VGF: variants seen among roughly 807,000 people sequenced by gnomAD.
The protein encoded by VGF is neurosecretory protein VGF.
VGF carries 13 observed loss-of-function variants against 41.1 expected under a neutral mutation model. That is an observed-to-expected ratio of 0.32 (90% CI 0.21 to 0.50). The LOEUF is 0.50. VGF is among the 20% of genes least tolerant of loss of function. The pLI, the probability that VGF is intolerant of heterozygous loss-of-function variation, is 0.98. For synonymous variants in VGF, 473 were observed against 418.3 expected (o/e 1.13, Z -1.60); for missense variants, 920 against 882.1 (o/e 1.04, Z -0.54).
Position 101,162,657 on chromosome 7 carries a change from C to A in VGF, c.*339G>T. ...GGAGGCCCGAAGGGCTGGAGACAGA[C>A]ACACTTCACACAATTAACTGGAACT... On this transcript the variant is annotated 3_prime_UTR_variant, in exon 2 of 2. Coordinates refer to ENST00000249330, the MANE Select transcript of VGF (RefSeq NM_003378.4). The surrounding 1 kb of genome is among the most constrained non-coding windows in gnomAD (Gnocchi z 4.2). The A allele has an allele frequency of 4.9e-6, 2 of 410,004 alleles. No homozygotes were observed. Among genetic ancestry groups the A allele is most frequent in the Non-Finnish European group, 9.5e-6 (2 of 210,462 alleles). 25.4% of individuals were successfully genotyped at this position (410,004 alleles called of 1,614,324 possible). A position where few individuals can be genotyped will look rare whatever the true frequency, so the allele number is the denominator to read the frequency against.
chr7:101,164,263 C>A lies in VGF; in HGVS notation c.581G>T (p.Arg194Leu), dbSNP rs749264980. 1.2e-6 allele frequency: 2 copies of A among 1,600,752 alleles called. No homozygotes were observed. The highest frequency in any genetic ancestry group is 2.2e-5 in the South Asian group (2 of 90,974). The change falls in exon 2 of 2, where the codon CGA (arginine) becomes CTA (leucine). Residue 194 changes from arginine (R) to leucine (L), a missense_variant. Coordinates refer to ENST00000249330, the MANE Select transcript of VGF (RefSeq NM_003378.4). ...ETETRTHTLT[R>L]VNLESPGPER... ...TGGCCCCGGGCTCTCCAGATTCACT[C>A]GGGTCAGCGTGTGCGTGCGGGTTTC... is the stretch of plus-strand genomic sequence containing the variant.
At chr7:101,169,638 C>T (rs965986852), upstream of VGF, among the ~76,000 whole-genome samples, 40 of 152,272 alleles carry the variant, frequency 2.6e-4, no homozygotes, top group African/African-American at 9.1e-4. Context: ...ACTTCAGAGA[C>T]CCAAGACGCG....
At position 101,163,946 on chromosome 7, in the gene VGF, C is replaced by T. The variant is rs1382513669; in HGVS notation, c.898G>A (p.Gly300Arg). 1 of 1,460,002 alleles carries T rather than the reference C, an allele frequency of 6.8e-7. No homozygotes were observed. Among genetic ancestry groups the T allele is most frequent in the Non-Finnish European group, 8.9e-7 (1 of 1,119,222 alleles). The allele number at this position is 1,460,002 out of a possible 1,614,324, so 90.4% of individuals were successfully genotyped here. A position where few individuals can be genotyped will look rare whatever the true frequency, so the allele number is the denominator to read the frequency against. ...CGCCCGGCCTCCACCTGCGCCAGCC[C>T]TTGCTGGAGAAGGCGCTCGCCCGCC... is the stretch of plus-strand genomic sequence containing the variant. ...SEAGERLLQQ[G>R]LAQVEAGRRQ... is the part of the protein sequence containing the mutation. Residue 300 changes from glycine to arginine, a missense_variant, in exon 2 of 2, where the codon GGG becomes AGG. By Grantham distance (125) the Gly-to-Arg change is moderately radical. This residue lies in a region of VGF where 654 missense variants were observed against 638.4 expected (regional missense o/e 1.02). Transcript: ENST00000249330. The surrounding 1 kb of genome is among the most constrained non-coding windows in gnomAD (Gnocchi z 5.0).
chr7:101,165,699 G>A (rs2116711145), upstream of VGF: 3 of 975,670 alleles, frequency 3.1e-6, no homozygotes, highest in Admixed American at 1.2e-4. Flanking sequence ...AAGGACGCCC[G>A]ACGATTGGAG....
At chr7:101,168,031 T>A (rs1465339373), upstream of VGF, among the ~76,000 whole-genome samples, 14 of 149,758 alleles carry the variant, frequency 9.3e-5, no homozygotes, top group South Asian at 2.1e-4. Flanking sequence ...TTTTTTTTTT[T>A]ATCTCTTCTG....
At position 101,162,701 on chromosome 7, in the gene VGF, CG is replaced by C; in HGVS notation, c.*294del. On this transcript the variant is annotated 3_prime_UTR_variant, in exon 2 of 2. Coordinates refer to ENST00000249330, the MANE Select transcript of VGF (RefSeq NM_003378.4). This position sits in a 1 kb window ranked among gnomAD's most constrained non-coding sequence, Gnocchi z 4.2. ...TGGAACTGCTTTTTCCGGTTTCCGA[CG>C]GGGACGTCCCCAGAGGGACTTGATG... is the stretch of plus-strand genomic sequence containing the variant. The C allele has an allele frequency of 1.9e-6, 1 of 530,920 alleles. No homozygotes were observed. The allele number at this position is 530,920 out of a possible 1,614,324, so 32.9% of individuals were successfully genotyped here. A position where few individuals can be genotyped will look rare whatever the true frequency, so the allele number is the denominator to read the frequency against.
upstream of VGF, among the ~76,000 whole-genome samples, chr7:101,168,813 C>T (rs1223216728): frequency 1.3e-5 from 2 of 151,998 alleles, no homozygotes; most frequent in African/African-American, 4.8e-5. Flanking sequence ...TTGTGGACCC[C>T]GAAGCTCACC....
chr7:101,167,110 C>T (rs1488552721), upstream of VGF, among the ~76,000 whole-genome samples: 1 of 152,078 alleles, frequency 6.6e-6, no homozygotes, highest in Non-Finnish European at 1.5e-5. The surrounding 1 kb of genome is among the most constrained non-coding windows in gnomAD (Gnocchi z 4.2). Context: ...GGCACTGACC[C>T]TCCTTCTAAC....
Position 101,162,666 on chromosome 7 carries a change from C to A in VGF, c.*330G>T. ...AAGGGCTGGAGACAGACACACTTCA[C>A]ACAATTAACTGGAACTGCTTTTTCC... On this transcript the variant is annotated 3_prime_UTR_variant, in exon 2 of 2. Coordinates refer to ENST00000249330, the MANE Select transcript of VGF (RefSeq NM_003378.4). The surrounding 1 kb of genome is among the most constrained non-coding windows in gnomAD (Gnocchi z 4.2). 2.3e-6 allele frequency: 1 copy of A among 441,660 alleles called. No individual in the cohort carries two copies. The highest frequency in any genetic ancestry group is 4.4e-6 in the Non-Finnish European group (1 of 227,500). 27.4% of individuals were successfully genotyped at this position (441,660 alleles called of 1,614,324 possible).
rs1303946573 is a variant in VGF at position 101,164,020 on chromosome 7, G to A, written c.824C>T (p.Pro275Leu). ...LSKAYQGVAA[P>L]FPKARRPESA... ...CTCCGGCCGGCGCGCCTTGGGGAAC[G>A]GGGCGGCCACGCCTTGGTACGCCTT... is the stretch of plus-strand genomic sequence containing the variant. The change falls in exon 2 of 2, where the codon CCG becomes CTG. Residue 275 changes from proline to leucine, a missense_variant. Pro to Leu is a moderately conservative substitution (Grantham distance 98). Around this residue, in one of 3 missense-constraint regions of VGF, gnomAD observed 654 missense variants for 638.4 expected, o/e 1.02. Transcript: ENST00000249330. 1.4e-6 allele frequency: 2 copies of A among 1,477,938 alleles called. No individual in the cohort carries two copies. The highest frequency in any genetic ancestry group is 1.4e-5 in the South Asian group (1 of 70,914). The allele number at this position is 1,477,938 out of a possible 1,614,324, so 91.6% of individuals were successfully genotyped here.
At chr7:101,168,689 A>G (rs1234400136), upstream of VGF, among the ~76,000 whole-genome samples, 1 of 151,888 alleles carries the variant, frequency 6.6e-6, no homozygotes, top group Admixed American at 6.5e-5. Context: ...GCTGGAGAAG[A>G]TGGGGTCCAG....
In VGF at chr7:101,162,846, G is replaced by A. The variant is rs926112477; in HGVS notation, c.*150C>T. The A allele has an allele frequency of 6.2e-5, 42 of 673,652 alleles. No homozygotes were observed. In the Admixed American group the frequency reaches 8.0e-4, roughly 13 times the overall value. The allele number at this position is 673,652 out of a possible 1,614,324, so 41.7% of individuals were successfully genotyped here. A position where few individuals can be genotyped will look rare whatever the true frequency, so the allele number is the denominator to read the frequency against. On this transcript the variant is annotated 3_prime_UTR_variant, in exon 2 of 2. Coordinates refer to ENST00000249330, the MANE Select transcript of VGF (RefSeq NM_003378.4). The surrounding 1 kb of genome is among the most constrained non-coding windows in gnomAD (Gnocchi z 4.2). The stretch of plus-strand genomic sequence containing the variant: ...GGCTCAGGACCCGGGAGGGGGGTCT[G>A]GCAGGTCCCGACGCAGCCCGGGGAC...
In VGF at chr7:101,163,504, A is replaced by ATCTCCTCGTCGTCCTCCT; in HGVS notation, c.1322_1339dup (p.Glu446_Met447insLysGluAspAspGluGlu). On this transcript the variant is annotated inframe_insertion, in exon 2 of 2. Coordinates refer to ENST00000249330, the MANE Select transcript of VGF (RefSeq NM_003378.4). This position sits in a 1 kb window ranked among gnomAD's most constrained non-coding sequence, Gnocchi z 5.0. The stretch of plus-strand genomic sequence containing the variant: ...GAGGCTGTCGATCGTCTGCGGATCC[A>ATCTCCTCGTCGTCCTCCT]TCTCCTCGTCGTCCTCCTCCTCCCC... The ATCTCCTCGTCGTCCTCCT allele has an allele frequency of 6.2e-7, 1 of 1,612,066 alleles. No homozygotes were observed. Among genetic ancestry groups the ATCTCCTCGTCGTCCTCCT allele is most frequent in the Non-Finnish European group, 8.5e-7 (1 of 1,179,570 alleles).
In VGF at chr7:101,163,654, C is replaced by A; in HGVS notation, c.1190G>T (p.Arg397Met). The change falls in exon 2 of 2, where the codon AGG becomes ATG. Residue 397 changes from arginine (R) to methionine (M), a missense_variant. Physicochemically the swap from Arg to Met is moderately conservative, Grantham distance 91. This residue lies in a region of VGF where 654 missense variants were observed against 638.4 expected (regional missense o/e 1.02). Coordinates refer to ENST00000249330, the MANE Select transcript of VGF (RefSeq NM_003378.4). This position sits in a 1 kb window ranked among gnomAD's most constrained non-coding sequence, Gnocchi z 5.0. ...GAACAGGAGCGCGTTCTGCCGCGCC[C>A]TCTCCGCCTCCTCCGCCTCTGCCTC... ...EAEAEAEEAERARQNALLFAE... is the reference protein window; with the variant it reads ...EAEAEAEEAEMARQNALLFAE... The A allele has an allele frequency of 1.3e-6, 2 of 1,540,676 alleles. No individual in the cohort carries two copies. Among genetic ancestry groups the A allele is most frequent in the Non-Finnish European group, 1.7e-6 (2 of 1,147,664 alleles).
Position 101,163,006 on chromosome 7 carries a change from CG to C in VGF, c.1837del (p.Arg613GlyfsTer61). On this transcript the variant is annotated frameshift_variant, in exon 2 of 2. Coordinates refer to ENST00000249330, the MANE Select transcript of VGF (RefSeq NM_003378.4). LOFTEE classifies it high-confidence loss of function. The surrounding 1 kb of genome is among the most constrained non-coding windows in gnomAD (Gnocchi z 5.0). The part of the protein sequence containing the change: ...LENYIEHVLL[R>X]RP ...GACCGGGAAGGGCAGTCACGGGCGC[CG>C]GAGCAGCACGTGCTCGATGTAATTC... 6.8e-7 allele frequency: 1 copy of C among 1,463,074 alleles called. No homozygotes were observed. The highest frequency in any genetic ancestry group is 2.4e-5 in the Admixed American group (1 of 40,966). The allele number at this position is 1,463,074 out of a possible 1,614,324, so 90.6% of individuals were successfully genotyped here.
chr7:101,163,640 C>A lies in VGF; in HGVS notation c.1204G>T (p.Ala402Ser). The change falls in exon 2 of 2, where the codon GCG becomes TCG. Residue 402 changes from alanine (A) to serine (S), a missense_variant. Ala to Ser is a moderately conservative substitution (Grantham distance 99). Coordinates refer to ENST00000249330, the MANE Select transcript of VGF (RefSeq NM_003378.4). This position sits in a 1 kb window ranked among gnomAD's most constrained non-coding sequence, Gnocchi z 5.0. ...AEEAERARQNALLFAEEEDGE... is the reference protein window; with the variant it reads ...AEEAERARQNSLLFAEEEDGE... ...TCCTCCTCCTCCGCGAACAGGAGCG[C>A]GTTCTGCCGCGCCCTCTCCGCCTCC... The A allele has an allele frequency of 1.3e-6, 2 of 1,542,978 alleles. No individual in the cohort carries two copies. The highest frequency in any genetic ancestry group is 8.7e-7 in the Non-Finnish European group (1 of 1,148,140).
upstream of VGF, among the ~76,000 whole-genome samples, chr7:101,168,016 T>TTG (rs1175820524): frequency 3.5e-4 from 35 of 98,940 alleles, no homozygotes; most frequent in African/African-American, 1.3e-3. Context: ...GTTGTTTTTT[T>TTG]TTGTTTTTTT....
At chr7:101,169,647 C>T (rs1380390423), upstream of VGF, among the ~76,000 whole-genome samples, 1 of 152,146 alleles carries the variant, frequency 6.6e-6, no homozygotes, top group Non-Finnish European at 1.5e-5. Context: ...ACCCAAGACG[C>T]GGTTGCAGGG....
chr7:101,162,953 C>CGCGCGCGGCGGGG lies in VGF; in HGVS notation c.*30_*42dup, dbSNP rs1215476799. ...CAACACGGAGGGGGGCGCCGGCGCG[C>CGCGCGCGGCGGGG]GCGCGCGGCGGGGGCGCGCGGGGGC... On this transcript the variant is annotated 3_prime_UTR_variant, in exon 2 of 2. Transcript: ENST00000249330. The surrounding 1 kb of genome is among the most constrained non-coding windows in gnomAD (Gnocchi z 4.2). The CGCGCGCGGCGGGG allele has an allele frequency of 5.8e-6, 6 of 1,040,516 alleles. No homozygotes were observed. The highest frequency in any genetic ancestry group is 7.5e-6 in the Non-Finnish European group (6 of 796,346). The allele number at this position is 1,040,516 out of a possible 1,614,324, so 64.5% of individuals were successfully genotyped here. A position where few individuals can be genotyped will look rare whatever the true frequency, so the allele number is the denominator to read the frequency against.
Sources: allele counts gnomAD v4.1 joint callset (sites outside exome capture counted in the v4.1 genomes callset), GRCh38; gene constraint gnomAD v4.1.1; regional missense constraint gnomAD v4.1.1; non-coding constraint Gnocchi (gnomAD v3.1); transcripts MANE v1.5; gene names NCBI Gene and HGNC (gene_info 2026-07-23, HGNC 2026-07-21).